The following PRKCZ variants were observed in gnomAD, a reference collection of about 807,000 sequenced individuals.
PRKCZ encodes the protein protein kinase C zeta.
PRKCZ carries 33 observed loss-of-function variants against 79.5 expected under a neutral mutation model. The ratio of observed to expected loss-of-function variants is 0.41; its 90% CI spans 0.31 to 0.55. The LOEUF (loss-of-function observed/expected upper bound fraction) is 0.55, where lower values mean the gene tolerates loss of function less well. Ranked by LOEUF, PRKCZ falls within the 20% of genes least tolerant of loss-of-function variation. The probability of loss-of-function intolerance (pLI) is 0.19; values close to 1 mark genes in which losing one functional copy is unlikely to be tolerated. For missense variants in PRKCZ, 578 were observed against 813.5 expected, an observed-to-expected ratio of 0.71 and a Z score of 3.52; for synonymous variants, 342 against 320.9, an observed-to-expected ratio of 1.07 and a Z score of -0.70.
chr1:2,155,767 G>A (rs1346633369), intron 9 of PRKCZ, among the ~76,000 whole-genome samples: 1 of 151,886 alleles, frequency 6.6e-6, no homozygotes, highest in Admixed American at 6.6e-5. Context: ...GTGGTGTGAC[G>A]GTGGTGATGA....
intron 4 of PRKCZ, among the ~76,000 whole-genome samples, chr1:2,093,888 C>T (rs1259484960): frequency 3.3e-5 from 5 of 152,142 alleles, no homozygotes; most frequent in Admixed American, 1.3e-4. Flanking sequence ...CGTGGAGGTC[C>T]GCGGCCGTCA....
intron 16 of PRKCZ, 56 bp downstream of exon 16, chr1:2,175,369 C>T (rs559233373): frequency 1.3e-5 from 18 of 1,392,798 alleles, no homozygotes; most frequent in Admixed American, 2.1e-5. Context: ...CCCAAATCTA[C>T]CCAACCCCCA....
In PRKCZ at chr1:2,168,893, A is replaced by C. The variant is rs929127578; in HGVS notation, c.975-625A>C. 4.0e-6 allele frequency: 1 copy of C among 248,578 alleles called. No homozygotes were observed. Among genetic ancestry groups the C allele is most frequent in the African/African-American group, 2.2e-5 (1 of 44,856 alleles). The allele number at this position is 248,578 out of a possible 1,614,324, so 15.4% of individuals were successfully genotyped here. A position where few individuals can be genotyped will look rare whatever the true frequency, so the allele number is the denominator to read the frequency against. ...ATGAAATGTAGGAAAAGATCTTATT[A>C]GGAAGAGAAACCATGTGGCCCAGTC... On this transcript the variant is annotated intron_variant, in intron 10 of 17. Coordinates refer to ENST00000378567, the MANE Select transcript of PRKCZ (RefSeq NM_002744.6). This position sits in a 1 kb window ranked among gnomAD's most constrained non-coding sequence, Gnocchi z 4.7.
At chr1:2,048,932 A>T (rs1290686985), upstream of PRKCZ, among the ~76,000 whole-genome samples, 1 of 152,176 alleles carries the variant, frequency 6.6e-6, no homozygotes, top group Non-Finnish European at 1.5e-5. Flanking sequence ...TTGGGAAGCC[A>T]AGGCAGGTGG....
intron 4 of PRKCZ, among the ~76,000 whole-genome samples, chr1:2,084,265 A>G (rs959026062): frequency 6.6e-6 from 1 of 152,170 alleles, no homozygotes; most frequent in Non-Finnish European, 1.5e-5. Flanking sequence ...AAAACATCGC[A>G]TATTGGCTGT....
At chr1:2,096,725 T>G (rs1186977945) in intron 4 of PRKCZ, among the ~76,000 whole-genome samples, 4 of 152,144 alleles carry the variant, frequency 2.6e-5, no homozygotes, top group African/African-American at 9.7e-5. Context: ...GGGTCTGGGT[T>G]GCTCGTTCAA....
rs191501716 is a variant in PRKCZ, at chr1:2,078,691, G to A, written c.334+19100G>A. Among the ~76,000 whole-genome samples, 10 of 152,206 alleles carry A rather than the reference G, an allele frequency of 6.6e-5. No individual in the cohort carries two copies. In the East Asian group the frequency reaches 1.9e-3, roughly 29 times the overall value. ...ATTATTTGTTGGCCCTCCCAGGCTGGTCCTTTAATTTTCTTCTCTATTTTC... is the reference window on the plus strand; with the variant it reads ...ATTATTTGTTGGCCCTCCCAGGCTGATCCTTTAATTTTCTTCTCTATTTTC... On this transcript the variant is annotated intron_variant, in intron 4 of 17. Transcript: ENST00000378567.
chr1:2,122,555 TGGTGGTTAGGGTC>T (rs1672543232), intron 4 of PRKCZ, among the ~76,000 whole-genome samples: 1 of 8,576 alleles, frequency 1.2e-4, no homozygotes, highest in Non-Finnish European at 1.8e-4. Context: ...AGGGTCACGG[TGGTGGTTAGGGTC>T]GTGGTGGTTA....
At chr1:2,102,325 TGTTTG>T (rs1204579615) in intron 4 of PRKCZ, among the ~76,000 whole-genome samples, 5 of 150,990 alleles carry the variant, frequency 3.3e-5, no homozygotes. Context: ...TTTTTTTTTT[TGTTTG>T]TTTTGTTTTG....
At chr1:2,161,766 A>G (rs899157218) in intron 10 of PRKCZ, among the ~76,000 whole-genome samples, 7 of 152,136 alleles carry the variant, frequency 4.6e-5, no homozygotes, top group African/African-American at 1.7e-4. Flanking sequence ...TTCTCCATCC[A>G]GACCCGAACG....
chr1:2,059,717 G>A, intron 4 of PRKCZ, 126 bp downstream of exon 4: 1 of 1,297,652 alleles, frequency 7.7e-7, no homozygotes, highest in Non-Finnish European at 1.1e-6. Flanking sequence ...CAGGGCAGGA[G>A]CAGCCGTGGT....
intron 10 of PRKCZ, chr1:2,156,517 G>A (rs902215717): frequency 4.3e-5 from 8 of 184,432 alleles, no homozygotes; most frequent in Admixed American, 1.6e-4. Context: ...AATTTTGGGG[G>A]CCAGTTGACT....
At chr1:2,056,336 A>C (rs1571083622) in intron 2 of PRKCZ, 148 bp from the exon 3 acceptor site, 1 of 680,440 alleles carries the variant, frequency 1.5e-6, no homozygotes, top group African/African-American at 1.9e-5. Context: ...CCGTCCTTGG[A>C]CCTCCCGACC....
intron 5 of PRKCZ, among the ~76,000 whole-genome samples, chr1:2,138,403 G>T (rs895617834): frequency 6.6e-6 from 1 of 152,170 alleles, no homozygotes; most frequent in African/African-American, 2.4e-5. Context: ...GTGAGGAGGG[G>T]CTGCCTCCTC....
chr1:2,097,132 G>A (rs1011467592), intron 4 of PRKCZ, among the ~76,000 whole-genome samples: 1 of 152,220 alleles, frequency 6.6e-6, no homozygotes, highest in Non-Finnish European at 1.5e-5. Context: ...GTTGTCTTGG[G>A]GCCACAGCTG....
In PRKCZ at chr1:2,144,070, G is replaced by A. The variant is rs543681956; in HGVS notation, c.421-140G>A. ...TCAAGCTTGGGCAAGCCTGGCGCCC[G>A]GAAGGGACAAGGTGCCGGGGCCACC... On this transcript the variant is annotated intron_variant, in intron 5 of 17. Transcript: ENST00000378567. The A allele has an allele frequency of 2.3e-4, 288 of 1,262,386 alleles. 1 individual carries two copies. In the South Asian group the frequency reaches 3.0e-3, roughly 13 times the overall value. The allele number at this position is 1,262,386 out of a possible 1,614,324, so 78.2% of individuals were successfully genotyped here.
In PRKCZ at chr1:2,121,505, C is replaced by T. The variant is rs963163835; in HGVS notation, c.335-13757C>T. On this transcript the variant is annotated intron_variant, in intron 4 of 17. Coordinates refer to ENST00000378567, the MANE Select transcript of PRKCZ (RefSeq NM_002744.6). ...TTAGGGTCACGGTGGTAGTTAGGAT[C>T]ATGGTGGTACTTAAGGTCATGGCAG... Among the ~76,000 whole-genome samples the T allele has an allele frequency of 0.019, 384 of 20,416 alleles. 15 individuals carry two copies. The East Asian group carries it at 0.26, about 14-fold the overall frequency. 13.4% of individuals were successfully genotyped at this position (20,416 alleles called of 152,430 possible).
rs3107131 is a variant in PRKCZ at position 2,094,461 on chromosome 1, G to A, written c.334+34870G>A. On this transcript the variant is annotated intron_variant, in intron 4 of 17. Coordinates refer to ENST00000378567, the MANE Select transcript of PRKCZ (RefSeq NM_002744.6). This position sits in a 1 kb window ranked among gnomAD's most constrained non-coding sequence, Gnocchi z 7.3. ...CTGAGGCACCCGCTGTGCCCGGCTC[G>A]TTGAACCTTGGGCGCTGCCCGTTCT... Among the ~76,000 whole-genome samples the A allele has an allele frequency of 9.8e-3, 1,434 of 145,864 alleles. 26 individuals are homozygous for A. The highest frequency in any genetic ancestry group is 0.033 in the African/African-American group (1,278 of 38,584).
At position 2,082,392 on chromosome 1, in the gene PRKCZ, T is replaced by C. The variant is rs767344769; in HGVS notation, c.334+22801T>C. The C allele has an allele frequency of 6.6e-6, 3 of 456,252 alleles. No individual in the cohort carries two copies. The highest frequency in any genetic ancestry group is 1.3e-5 in the Non-Finnish European group (3 of 226,958). The allele number at this position is 456,252 out of a possible 1,614,324, so 28.3% of individuals were successfully genotyped here. A position where few individuals can be genotyped will look rare whatever the true frequency, so the allele number is the denominator to read the frequency against. ...CCGTAGACAGAGTGAAGTCTGGTAG[T>C]TTGTGTTTATTTATTTATCTTGGCC... On this transcript the variant is annotated intron_variant, in intron 4 of 17. Transcript: ENST00000378567. The surrounding 1 kb of genome is among the most constrained non-coding windows in gnomAD (Gnocchi z 4.4).
Sources: allele counts gnomAD v4.1 joint callset (sites outside exome capture counted in the v4.1 genomes callset), GRCh38; gene constraint gnomAD v4.1.1; non-coding constraint Gnocchi (gnomAD v3.1); transcripts MANE v1.5; gene names NCBI Gene and HGNC (gene_info 2026-07-23, HGNC 2026-07-21).